The following STOX1 variants were observed in gnomAD, a reference collection of about 807,000 sequenced individuals.
The protein encoded by STOX1 is storkhead-box protein 1.
STOX1 carries 57 observed loss-of-function variants against 74.8 expected under a neutral mutation model. The observed-to-expected ratio is 0.76, with a 90% confidence interval of 0.62 to 0.95. The LOEUF is 0.95. Ranked by LOEUF, STOX1 falls within the 40% of genes least tolerant of loss-of-function variation. STOX1 has a pLI of 0.00. For missense variants in STOX1, 1,010 were observed against 1,117.0 expected (o/e 0.90, Z 1.37); for synonymous variants, 375 against 401.3 (o/e 0.93, Z 0.78).
chr10:68,849,324 A>G (rs1366786118), intron 1 of STOX1, among the ~76,000 whole-genome samples: 2 of 152,172 alleles, frequency 1.3e-5, no homozygotes, highest in Non-Finnish European at 2.9e-5. Flanking sequence ...GATGTGTTCC[A>G]TGCTGTGATG....
chr10:68,836,566 G>C (rs1839559519), intron 1 of STOX1, among the ~76,000 whole-genome samples: 1 of 152,148 alleles, frequency 6.6e-6, no homozygotes. Flanking sequence ...GCCGTGTGTT[G>C]TCCTGTGCCT....
chr10:68,846,172 A>G (rs1277786378), intron 1 of STOX1, among the ~76,000 whole-genome samples: 1 of 121,290 alleles, frequency 8.2e-6, no homozygotes, highest in South Asian at 2.5e-4. Flanking sequence ...TTTGAGACGG[A>G]GTCTCGCTCT....
chr10:68,865,510 G>A (rs1405803881), intron 1 of STOX1, among the ~76,000 whole-genome samples: 2 of 152,256 alleles, frequency 1.3e-5, no homozygotes, highest in African/African-American at 4.8e-5. Context: ...TTAGCCAGGC[G>A]TGGCAGTGGG....
At chr10:68,838,233 AT>A (rs1156574452) in intron 1 of STOX1, among the ~76,000 whole-genome samples, 2 of 151,648 alleles carry the variant, frequency 1.3e-5, no homozygotes, top group Admixed American at 1.3e-4. Flanking sequence ...CACCCAGCTA[AT>A]TTTTGTGTTT....
intron 3 of STOX1, among the ~76,000 whole-genome samples, chr10:68,891,105 T>C (rs1399369581): frequency 6.6e-6 from 1 of 152,194 alleles, no homozygotes; most frequent in East Asian, 1.9e-4. Flanking sequence ...GGAATTTTGA[T>C]TTGCAAAATT....
Position 68,886,326 on chromosome 10 carries a change from G to A in STOX1, c.2530G>A (p.Val844Ile). 1 of 1,614,190 alleles carries A rather than the reference G, an allele frequency of 6.2e-7. No individual in the cohort carries two copies. Among genetic ancestry groups the A allele is most frequent in the South Asian group, 1.1e-5 (1 of 91,086 alleles). The change falls in exon 3 of 4, where the codon GTA becomes ATA. Residue 844 changes from valine (V) to isoleucine (I), a missense_variant. Coordinates refer to ENST00000298596, the MANE Select transcript of STOX1 (RefSeq NM_152709.5). ...YEEEPSVAKC[V>I]QASAPADERI... ...AGAAGAACCCAGTGTTGCTAAATGT[G>A]TACAGGCCTCAGCACCTGCTGATGA...
chr10:68,884,136 T>C, intron 2 of STOX1, 124 bp from the exon 3 acceptor site: 1 of 866,714 alleles, frequency 1.2e-6, no homozygotes, highest in South Asian at 1.5e-5. Context: ...TTTAATCACA[T>C]GTATTATGTT....
At chr10:68,891,157 A>G (rs1841088076) in intron 3 of STOX1, among the ~76,000 whole-genome samples, 1 of 152,224 alleles carries the variant, frequency 6.6e-6, no homozygotes, top group South Asian at 2.1e-4. Flanking sequence ...TTTTTAAGCA[A>G]TATGCTTTCC....
At chr10:68,864,293 T>G (rs1168087469) in intron 1 of STOX1, among the ~76,000 whole-genome samples, 2 of 152,236 alleles carry the variant, frequency 1.3e-5, no homozygotes, top group Admixed American at 1.3e-4. Flanking sequence ...AATAAGAGGC[T>G]TTACCATTAC....
chr10:68,872,337 CTTTTCTTTTTTTTTT>C (rs1840555354), intron 1 of STOX1, among the ~76,000 whole-genome samples: 1 of 124,606 alleles, frequency 8.0e-6, no homozygotes, highest in Non-Finnish European at 1.6e-5. Flanking sequence ...TTTTCTTTTT[CTTTTCTTTTTTTTTT>C]TTTTTTTTTT....
intron 1 of STOX1, among the ~76,000 whole-genome samples, chr10:68,877,569 G>T (rs10823264): frequency 2.0e-5 from 3 of 152,164 alleles, no homozygotes; most frequent in Admixed American, 1.3e-4. Flanking sequence ...TATGAAAAGA[G>T]GAAACAAACC....
chr10:68,889,570 T>C (rs1841050525), intron 3 of STOX1, among the ~76,000 whole-genome samples: 1 of 152,234 alleles, frequency 6.6e-6, no homozygotes, highest in African/African-American at 2.4e-5. Context: ...TTTGTTTGCT[T>C]ATTTGTTTTT....
chr10:68,831,745 G>C (rs956812108), intron 1 of STOX1, among the ~76,000 whole-genome samples: 9 of 152,020 alleles, frequency 5.9e-5, no homozygotes, highest in Admixed American at 1.3e-4. Context: ...TTTTCTCCAA[G>C]TTTTCTGCCT....
At chr10:68,866,204 T>C (rs1840400841) in intron 1 of STOX1, among the ~76,000 whole-genome samples, 3 of 151,990 alleles carry the variant, frequency 2.0e-5, no homozygotes, top group African/African-American at 7.2e-5. Context: ...TAGTCCCAGG[T>C]TGTCCATTGG....
intron 1 of STOX1, among the ~76,000 whole-genome samples, chr10:68,848,369 G>T (rs1014891265): frequency 6.6e-6 from 1 of 152,170 alleles, no homozygotes; most frequent in African/African-American, 2.4e-5. Flanking sequence ...AAGCCCAGTG[G>T]CCTGCAAGAC....
chr10:68,889,666 C>T (rs922242827), intron 3 of STOX1, among the ~76,000 whole-genome samples: 1 of 152,114 alleles, frequency 6.6e-6, no homozygotes, highest in African/African-American at 2.4e-5. Context: ...TGGGTTCAAG[C>T]AATTCTCATG....
chr10:68,836,018 C>T (rs765494069), intron 1 of STOX1, among the ~76,000 whole-genome samples: 7 of 152,156 alleles, frequency 4.6e-5, no homozygotes, highest in East Asian at 1.9e-4. Flanking sequence ...ATTACAGGCG[C>T]GTGCCACCAC....
intron 1 of STOX1, among the ~76,000 whole-genome samples, chr10:68,869,883 C>T (rs1352831446): frequency 4.6e-5 from 7 of 151,916 alleles, no homozygotes; most frequent in Admixed American, 3.3e-4. Flanking sequence ...ACTCTTTTTG[C>T]GAAATGCTGA....
rs1840322484 is a variant in STOX1, at chr10:68,863,604, A to T, written c.311-18354A>T. Among the ~76,000 whole-genome samples the T allele has an allele frequency of 2.0e-5, 3 of 152,236 alleles. No homozygotes were observed. In the South Asian group the frequency reaches 6.2e-4, roughly 31 times the overall value. ...TGCAGTACCAACTAGGCCATCAGCC[A>T]TTTGATTCCCTGCATTCAAAGGTCC... is the stretch of plus-strand genomic sequence containing the variant. On this transcript the variant is annotated intron_variant, in intron 1 of 3. Coordinates refer to ENST00000298596, the MANE Select transcript of STOX1 (RefSeq NM_152709.5).
Sources: allele counts gnomAD v4.1 joint callset (sites outside exome capture counted in the v4.1 genomes callset), GRCh38; gene constraint gnomAD v4.1.1; transcripts MANE v1.5; gene names NCBI Gene and HGNC (gene_info 2026-07-23, HGNC 2026-07-21).